Variants in NUP210L observed in about 807,000 individuals in gnomAD.
NUP210L encodes nucleoporin 210 like, also known as nuclear pore membrane glycoprotein 210-like.
Under a neutral mutation model 208.5 loss-of-function variants are expected in NUP210L, and 74 were observed. The ratio of observed to expected loss-of-function variants is 0.35; its 90% CI spans 0.29 to 0.43. The LOEUF is 0.43. NUP210L is among the 20% of genes least tolerant of loss of function. NUP210L has a pLI of 1.00. For synonymous variants in NUP210L, 780 were observed against 816.9 expected, an observed-to-expected ratio of 0.95 and a Z score of 0.77; for missense variants, 1,843 against 2,289.4, an observed-to-expected ratio of 0.81 and a Z score of 3.98.
At chr1:154,104,363 T>C (rs1656637778) in intron 12 of NUP210L, among the ~76,000 whole-genome samples, 153 bp from the exon 13 acceptor site, 1 of 152,114 alleles carries the variant, frequency 6.6e-6, no homozygotes, top group African/African-American at 2.4e-5. Flanking sequence ...GTCACCTTCA[T>C]AAGAATCAAA....
chr1:154,078,694 AG>A (rs1655163888), intron 16 of NUP210L, among the ~76,000 whole-genome samples: 1 of 152,178 alleles, frequency 6.6e-6, no homozygotes, highest in African/African-American at 2.4e-5. Context: ...AACAAGGGAC[AG>A]GAAATGGGTT....
chr1:154,149,170 C>T (rs907625634), intron 2 of NUP210L, among the ~76,000 whole-genome samples: 3 of 145,416 alleles, frequency 2.1e-5, no homozygotes, highest in Admixed American at 7.5e-5. Context: ...ACTGCAACCT[C>T]CACCTCCCGG....
At chr1:154,058,292 G>T in intron 21 of NUP210L, 76 bp from the exon 22 acceptor site, 1 of 1,489,926 alleles carries the variant, frequency 6.7e-7, no homozygotes, top group Non-Finnish European at 9.2e-7. Context: ...AGAGGGCAGT[G>T]TACTTTTTTT....
At position 154,023,104 on chromosome 1, in the gene NUP210L, T is replaced by C; in HGVS notation, c.4298+18A>G. ...GATTTCTACCATAGTGTCAATACCATTCCTTTGACTTCCATACCTGTTCAG... is the reference window on the plus strand; with the variant it reads ...GATTTCTACCATAGTGTCAATACCACTCCTTTGACTTCCATACCTGTTCAG... On this transcript the variant is annotated intron_variant, in intron 31 of 39. Coordinates refer to ENST00000368559, the Ensembl canonical transcript of NUP210L. The C allele has an allele frequency of 6.2e-7, 1 of 1,607,816 alleles. No individual in the cohort carries two copies. Among genetic ancestry groups the C allele is most frequent in the African/African-American group, 1.3e-5 (1 of 74,874 alleles).
intron 16 of NUP210L, chr1:154,079,625 A>C (rs1233025848): frequency 6.6e-6 from 1 of 152,430 alleles, no homozygotes; most frequent in Non-Finnish European, 1.5e-5. Context: ...AATGAGAAGC[A>C]CATTATCTTT....
Position 154,061,050 on chromosome 1 carries a change from G to C in NUP210L, c.2644-4C>G, listed in dbSNP as rs904262090. On this transcript the variant is annotated splice_region_variant and splice_polypyrimidine_tract_variant and intron_variant, in intron 18 of 39. Transcript: ENST00000368559. ...ATCTGGGCAAGTTGGAAATTTCCTAGAAATATAATAAGAACCACAAAAGTG... is the reference window on the plus strand; with the variant it reads ...ATCTGGGCAAGTTGGAAATTTCCTACAAATATAATAAGAACCACAAAAGTG... 16 of 1,591,844 alleles carry C rather than the reference G, an allele frequency of 1.0e-5. No individual in the cohort carries two copies. The highest frequency in any genetic ancestry group is 6.7e-5 in the Admixed American group (4 of 59,698).
intron 33 of NUP210L, among the ~76,000 whole-genome samples, chr1:154,014,123 T>C (rs1651114338): frequency 6.6e-6 from 1 of 152,106 alleles, no homozygotes; most frequent in Admixed American, 6.6e-5. Context: ...TTACCACAGG[T>C]TTTTTAAATT....
chr1:154,084,380 T>A (rs944684727), intron 16 of NUP210L, among the ~76,000 whole-genome samples: 2 of 151,682 alleles, frequency 1.3e-5, no homozygotes, highest in Non-Finnish European at 2.9e-5. Flanking sequence ...TCTGACTAAT[T>A]TTTGTATTTT....
chr1:154,136,608 T>C (rs1236575055), intron 6 of NUP210L, among the ~76,000 whole-genome samples: 2 of 151,660 alleles, frequency 1.3e-5, no homozygotes, highest in Non-Finnish European at 2.9e-5. Context: ...ATGGAGCCAA[T>C]ACATACTTTA....
intron 27 of NUP210L, among the ~76,000 whole-genome samples, chr1:154,037,638 C>G (rs1652634008): frequency 6.6e-6 from 1 of 151,812 alleles, no homozygotes; most frequent in Admixed American, 6.6e-5. Context: ...TTTTTAAATC[C>G]TTTCAGCCAC....
At chr1:154,140,868 C>T (rs1246685245) in intron 4 of NUP210L, among the ~76,000 whole-genome samples, 4 of 151,248 alleles carry the variant, frequency 2.6e-5, no homozygotes, top group Non-Finnish European at 4.4e-5. Flanking sequence ...GTGGCGGGCT[C>T]CTGTAGTCCT....
chr1:154,107,728 A>G (rs1376404120), intron 12 of NUP210L, among the ~76,000 whole-genome samples: 2 of 151,310 alleles, frequency 1.3e-5, no homozygotes, highest in Non-Finnish European at 2.9e-5. Flanking sequence ...TAAGCTGGGC[A>G]TGGTGGCGCA....
chr1:154,113,148 A>G (rs1297270207), intron 12 of NUP210L, among the ~76,000 whole-genome samples: 1 of 111,574 alleles, frequency 9.0e-6, no homozygotes, highest in Non-Finnish European at 1.8e-5. Flanking sequence ...TGGGAGAGAA[A>G]CCCTCTCTTA....
At chr1:154,026,382 T>C (rs370412507) in intron 29 of NUP210L, among the ~76,000 whole-genome samples, 104 of 152,262 alleles carry the variant, frequency 6.8e-4, no homozygotes, top group African/African-American at 1.9e-3. Context: ...GAGTTTCGCT[T>C]TTGTTGCCCA....
intron 33 of NUP210L, among the ~76,000 whole-genome samples, chr1:154,018,450 G>T (rs1322376554): frequency 6.6e-6 from 1 of 152,088 alleles, no homozygotes; most frequent in Non-Finnish European, 1.5e-5. Context: ...TCCACCTACA[G>T]TCTTCCCCAT....
chr1:154,067,146 A>C (rs549979932), intron 17 of NUP210L, among the ~76,000 whole-genome samples: 1 of 152,328 alleles, frequency 6.6e-6, no homozygotes, highest in East Asian at 1.9e-4. Flanking sequence ...ACAAAAAAAG[A>C]GAATTTTAGA....
chr1:154,154,531 CCTGACGG>C (rs1425395440), intron 1 of NUP210L, among the ~76,000 whole-genome samples: 1 of 152,146 alleles, frequency 6.6e-6, no homozygotes, highest in Non-Finnish European at 1.5e-5. Context: ...TTCCCTTTAC[CCTGACGG>C]CTGCTCATAG....
At chr1:154,095,030 T>C in exon 15 of NUP210L, 1 of 1,614,184 alleles carries the variant, frequency 6.2e-7, no homozygotes, top group Non-Finnish European at 8.5e-7. Flanking sequence ...ATCTTCTCTG[T>C]CTTCTCCGCA....
chr1:154,063,030 T>C (rs1654220928), intron 17 of NUP210L, among the ~76,000 whole-genome samples: 4 of 152,196 alleles, frequency 2.6e-5, no homozygotes, highest in Admixed American at 1.3e-4. Context: ...GAGGGCCTAC[T>C]ACATGCCAGG....
Sources: gnomAD v4.1 joint callset for allele counts (sites outside exome capture counted in the v4.1 genomes callset) on GRCh38, gnomAD v4.1.1 for gene constraint, MANE v1.5 for transcripts, NCBI Gene and HGNC (gene_info 2026-07-23, HGNC 2026-07-21) for gene names.